Variants in XIRP2 observed in about 807,000 individuals in gnomAD.
XIRP2 encodes xin actin-binding repeat-containing protein 2.
A neutral mutation model predicts 277.0 loss-of-function variants in XIRP2; 236 were observed. That is an observed-to-expected ratio of 0.85 (90% CI 0.77 to 0.95). The LOEUF (loss-of-function observed/expected upper bound fraction) is 0.95, where lower values mean the gene tolerates loss of function less well. Among genes scored for constraint, XIRP2 ranks in the 40% least tolerant of loss-of-function variants. XIRP2 has a pLI of 0.00. For missense variants in XIRP2, 4,640 were observed against 4,157.5 expected, an observed-to-expected ratio of 1.12 and a Z score of -3.19; for synonymous variants, 1,490 against 1,416.5, an observed-to-expected ratio of 1.05 and a Z score of -1.17.
At position 166,997,611 on chromosome 2, in the gene XIRP2, C is replaced by T. The variant is rs969973406; in HGVS notation, c.408+93721C>T. Among the ~76,000 whole-genome samples, 8 of 152,124 alleles carry T rather than the reference C, an allele frequency of 5.3e-5. No individual in the cohort carries two copies. The South Asian group carries it at 1.5e-3, about 28-fold the overall frequency. On this transcript the variant is annotated intron_variant, in intron 2 of 10. Coordinates refer to ENST00000409195, the MANE Select transcript of XIRP2 (RefSeq NM_152381.6). The stretch of plus-strand genomic sequence containing the variant: ...ATAAAATGAATTTTGCTAAGAAGTT[C>T]AGTTGACTTGGGGGGCCTGGCACAG...
In XIRP2 at chr2:167,247,279, G is replaced by T. The variant is rs1452054556; in HGVS notation, c.5887G>T (p.Asp1963Tyr). The change falls in exon 9 of 11, where the codon GAT becomes TAT. Residue 1963 changes from aspartate (D) to tyrosine (Y), a missense_variant. Asp to Tyr is a radical substitution (Grantham distance 160, BLOSUM62 -3). Transcript: ENST00000409195. ...MAGSSGEQKT[D>Y]IHQVAVQRNK... ...AGGATCCTCGGGAGAGCAGAAAACA[G>T]ATATTCATCAGGTTGCTGTCCAGAG... The T allele has an allele frequency of 1.2e-6, 2 of 1,613,712 alleles. No individual in the cohort carries two copies. The highest frequency in any genetic ancestry group is 1.7e-6 in the Non-Finnish European group (2 of 1,179,828).
intron 3 of XIRP2, among the ~76,000 whole-genome samples, chr2:167,164,722 G>A (rs11893509): frequency 0.23 from 35,147 of 151,934 alleles, 5,664 homozygotes; most frequent in African/African-American, 0.46. Flanking sequence ...GATTTTTAAT[G>A]GACATTATTT....
Position 167,251,735 on chromosome 2 carries a change from G to A in XIRP2, c.10343G>A (p.Gly3448Asp), listed in dbSNP as rs200824426. 1.6e-4 allele frequency: 256 copies of A among 1,613,322 alleles called. No individual in the cohort carries two copies. The African/African-American group carries it at 3.1e-3, about 20-fold the overall frequency. Residue 3448 changes from glycine (G) to aspartate (D), a missense_variant, in exon 9 of 11, where the codon GGC (glycine) becomes GAC (aspartate). Coordinates refer to ENST00000409195, the MANE Select transcript of XIRP2 (RefSeq NM_152381.6). ...SSHSSEAGKS[G>D]CDFKHAPPTY... ...CATAGCTCAGAAGCTGGCAAATCTG[G>A]CTGTGACTTCAAGCATGCCCCACCA... is the stretch of plus-strand genomic sequence containing the variant.
intron 2 of XIRP2, among the ~76,000 whole-genome samples, chr2:167,124,897 C>A (rs1473716256): frequency 6.6e-6 from 1 of 152,106 alleles, no homozygotes; most frequent in Non-Finnish European, 1.5e-5. Flanking sequence ...TTGGGAATAG[C>A]CAGAAGGATG....
chr2:167,153,126 ATTAATT>A (rs1165277376), intron 3 of XIRP2, among the ~76,000 whole-genome samples: 5 of 152,114 alleles, frequency 3.3e-5, no homozygotes, highest in African/African-American at 9.7e-5. Context: ...CAATTAATTG[ATTAATT>A]TTACCACAAC....
At chr2:166,931,249 T>G (rs971493005) in intron 2 of XIRP2, among the ~76,000 whole-genome samples, 4 of 152,160 alleles carry the variant, frequency 2.6e-5, no homozygotes, top group Non-Finnish European at 5.9e-5. Context: ...ATGTTTAAGA[T>G]TTTGCTTCAG....
At chr2:167,019,119 G>T (rs1204432903) in intron 2 of XIRP2, among the ~76,000 whole-genome samples, 1 of 151,912 alleles carries the variant, frequency 6.6e-6, no homozygotes, top group Non-Finnish European at 1.5e-5. Flanking sequence ...AAAATAAAGT[G>T]CCAAGGAAAC....
At position 167,138,841 on chromosome 2, in the gene XIRP2, G is replaced by T. The variant is rs147257723; in HGVS notation, c.562+2779G>T. 8.1e-4 allele frequency among the ~76,000 whole-genome samples: 124 copies of T among 152,200 alleles called. 1 individual carries two copies. The highest frequency in any genetic ancestry group is 2.7e-3 in the African/African-American group (114 of 41,542). The stretch of plus-strand genomic sequence containing the variant: ...AGCATTTTGGGAGGCCAAGGCGGGC[G>T]AATCACCTAGGGTCAGGAGTTTGAG... On this transcript the variant is annotated intron_variant, in intron 3 of 10. Coordinates refer to ENST00000409195, the MANE Select transcript of XIRP2 (RefSeq NM_152381.6).
intron 3 of XIRP2, among the ~76,000 whole-genome samples, chr2:167,176,977 G>A (rs1037990925): frequency 1.8e-4 from 28 of 152,278 alleles, no homozygotes; most frequent in African/African-American, 6.7e-4. Flanking sequence ...AAGGGACCAA[G>A]CTGATTGTGA....
At chr2:166,950,185 A>G (rs2084659982) in intron 2 of XIRP2, among the ~76,000 whole-genome samples, 1 of 152,082 alleles carries the variant, frequency 6.6e-6, no homozygotes, top group African/African-American at 2.4e-5. Context: ...TGCTAAAGGT[A>G]GCATTTGGCA....
chr2:167,128,973 A>G (rs962948252), intron 2 of XIRP2, among the ~76,000 whole-genome samples: 1 of 152,190 alleles, frequency 6.6e-6, no homozygotes, highest in African/African-American at 2.4e-5. Flanking sequence ...TAATGATTGA[A>G]GGGGCTTCCT....
chr2:167,225,185 CTTTA>C (rs1472447114), intron 5 of XIRP2, among the ~76,000 whole-genome samples: 1 of 151,968 alleles, frequency 6.6e-6, no homozygotes, highest in African/African-American at 2.4e-5. Flanking sequence ...TTGAAGACTG[CTTTA>C]TTTATAGTAT....
At chr2:167,156,465 T>C (rs1692201267) in intron 3 of XIRP2, among the ~76,000 whole-genome samples, 2 of 151,934 alleles carry the variant, frequency 1.3e-5, no homozygotes, top group Admixed American at 1.3e-4. Context: ...GAAAGTGCAT[T>C]CTTAGAACAC....
intron 2 of XIRP2, among the ~76,000 whole-genome samples, chr2:166,935,051 G>A (rs900109350): frequency 1.3e-5 from 2 of 151,480 alleles, no homozygotes; most frequent in African/African-American, 2.4e-5. Context: ...AAAGCACAAT[G>A]TGTGTGTAGA....
intron 2 of XIRP2, among the ~76,000 whole-genome samples, chr2:167,028,650 C>G (rs577211741): frequency 2.2e-4 from 34 of 151,976 alleles, no homozygotes; most frequent in Non-Finnish European, 4.4e-4. Context: ...TCTTCAATGT[C>G]TAGACACAGA....
At chr2:167,254,477 A>C (rs902508222) in intron 10 of XIRP2, among the ~76,000 whole-genome samples, 1 of 151,990 alleles carries the variant, frequency 6.6e-6, no homozygotes, top group Non-Finnish European at 1.5e-5. Context: ...TCTAGACTCC[A>C]GATCAGGAGG....
intron 2 of XIRP2, among the ~76,000 whole-genome samples, chr2:166,957,460 C>T (rs527322068): frequency 6.6e-6 from 1 of 151,568 alleles, no homozygotes; most frequent in East Asian, 2.0e-4. Flanking sequence ...AAATTATTTA[C>T]ATTTGTGATT....
intron 1 of XIRP2, among the ~76,000 whole-genome samples, chr2:166,890,149 C>A (rs1684065680): frequency 6.6e-6 from 1 of 151,928 alleles, no homozygotes; most frequent in African/African-American, 2.4e-5. Context: ...GCACGTGCCA[C>A]CATGCTGGCT....
At chr2:166,895,920 G>T (rs1684229009) in intron 1 of XIRP2, among the ~76,000 whole-genome samples, 1 of 152,112 alleles carries the variant, frequency 6.6e-6, no homozygotes, top group Non-Finnish European at 1.5e-5. Flanking sequence ...CTACTACATA[G>T]ATATACTAAG....
Sources: allele counts gnomAD v4.1 joint callset (sites outside exome capture counted in the v4.1 genomes callset), GRCh38; gene constraint gnomAD v4.1.1; transcripts MANE v1.5; gene names NCBI Gene and HGNC (gene_info 2026-07-23, HGNC 2026-07-21).